Variants in MTRR observed in about 807,000 individuals in gnomAD.
MTRR encodes methionine synthase reductase.
A neutral mutation model predicts 79.2 loss-of-function variants in MTRR; 63 were observed. The ratio of observed to expected loss-of-function variants is 0.80; its 90% confidence interval spans 0.65 to 0.98. The LOEUF (loss-of-function observed/expected upper bound fraction) is 0.98, where lower values mean the gene tolerates loss of function less well. Ranked by LOEUF, MTRR falls within the 50% of genes least tolerant of loss-of-function variation. The pLI is 0.00. For missense variants in MTRR, 895 were observed against 839.6 expected, an observed-to-expected ratio of 1.07 and a Z score of -0.82; for synonymous variants, 355 against 313.3, an observed-to-expected ratio of 1.13 and a Z score of -1.41.
chr5:7,884,605 A>G (rs947946725), intron 6 of MTRR, among the ~76,000 whole-genome samples: 3 of 152,186 alleles, frequency 2.0e-5, no homozygotes, highest in African/African-American at 7.2e-5. Context: ...AACTGTATAT[A>G]GAAACATTTA....
At chr5:7,877,034 A>G (rs768810751) in intron 4 of MTRR, among the ~76,000 whole-genome samples, 8 of 152,240 alleles carry the variant, frequency 5.3e-5, no homozygotes, top group Non-Finnish European at 8.8e-5. Flanking sequence ...AGTGTACCAC[A>G]TGAGCACCTC....
chr5:7,869,516 T>G, intron 1 of MTRR: 2 of 382,950 alleles, frequency 5.2e-6, no homozygotes, highest in Non-Finnish European at 4.9e-6. Flanking sequence ...TTTCCAGGCC[T>G]AGGGAAACCG....
At chr5:7,892,177 CA>C (rs1445197378) in intron 10 of MTRR, among the ~76,000 whole-genome samples, 3 of 152,202 alleles carry the variant, frequency 2.0e-5, no homozygotes, top group Non-Finnish European at 2.9e-5. Flanking sequence ...CAAGAAGGTG[CA>C]CCATTCTTTT....
intron 5 of MTRR, among the ~76,000 whole-genome samples, chr5:7,879,243 T>G (rs1735124956): frequency 6.6e-6 from 1 of 152,174 alleles, no homozygotes; most frequent in African/African-American, 2.4e-5. Context: ...CAGACACAAC[T>G]TATGCCTGGA....
Position 7,895,860 on chromosome 5 carries a change from C to G in MTRR, c.1676+8C>G. The G allele has an allele frequency of 6.2e-7, 1 of 1,613,798 alleles. No individual in the cohort carries two copies. Among genetic ancestry groups the G allele is most frequent in the African/African-American group, 1.3e-5 (1 of 74,994 alleles). On this transcript the variant is annotated splice_region_variant and intron_variant, in intron 12 of 14. Coordinates refer to ENST00000440940, the MANE Select transcript of MTRR (RefSeq NM_002454.3). ...TGGGTTCCTACAACATAGGTATGTTCTTTTTTTGGCTAATGGGAAAATGTA... is the reference window on the plus strand; with the variant it reads ...TGGGTTCCTACAACATAGGTATGTTGTTTTTTTGGCTAATGGGAAAATGTA...
chr5:7,861,008 C>T (rs763359854), intron 1 of MTRR: 1 of 557,874 alleles, frequency 1.8e-6, no homozygotes, highest in Non-Finnish European at 3.2e-6. Context: ...GAGTTTTGTG[C>T]TGTCCAGTTC....
chr5:7,861,438 G>A (rs1746523791), intron 1 of MTRR: 1 of 629,920 alleles, frequency 1.6e-6, no homozygotes. Flanking sequence ...AATATTACAA[G>A]GAATTTCCCA....
intron 9 of MTRR, among the ~76,000 whole-genome samples, chr5:7,891,057 G>T (rs1475457045): frequency 1.3e-5 from 2 of 151,928 alleles, no homozygotes; most frequent in African/African-American, 4.8e-5. Context: ...AGGGTTTGCT[G>T]AGCTCCTCAC....
chr5:7,859,961 G>A (rs751722139), intron 1 of MTRR, among the ~76,000 whole-genome samples: 10 of 152,138 alleles, frequency 6.6e-5, no homozygotes, highest in Non-Finnish European at 7.4e-5. Context: ...GCTGGAGGAC[G>A]CAGCAGGGAC....
chr5:7,889,945 T>C (rs554299398), intron 9 of MTRR, among the ~76,000 whole-genome samples: 1 of 152,184 alleles, frequency 6.6e-6, no homozygotes, highest in South Asian at 2.1e-4. Flanking sequence ...GACCTCAGCA[T>C]TGTCCCTGAG....
chr5:7,854,433 G>A (rs996136615), intron 1 of MTRR, among the ~76,000 whole-genome samples: 16 of 152,028 alleles, frequency 1.1e-4, no homozygotes, highest in African/African-American at 3.4e-4. Context: ...GTATTAGTTC[G>A]TTTTCACTCT....
intron 8 of MTRR, among the ~76,000 whole-genome samples, chr5:7,888,159 CACTT>C (rs1736944642): frequency 6.6e-6 from 1 of 151,988 alleles, no homozygotes; most frequent in African/African-American, 2.4e-5. Context: ...AATTTTTGAA[CACTT>C]ACTTGAAGTA....
In MTRR at chr5:7,854,971, C is replaced by G. The variant is rs912043384; in HGVS notation, n.391+3386C>G. Among the ~76,000 whole-genome samples, 5 of 152,316 alleles carry G rather than the reference C, an allele frequency of 3.3e-5. No homozygotes were observed. The East Asian group carries it at 9.6e-4, about 29-fold the overall frequency. ...GCATTCAAGCCAAATTGAAGCAAGT[C>G]TCTGGATCTGCCCTTTGGTTTAATA... is the stretch of plus-strand genomic sequence containing the variant. On this transcript the variant is annotated intron_variant and non_coding_transcript_variant, in intron 1 of 3. Coordinates refer to the MTRR transcript ENST00000502509.
chr5:7,867,263 T>C, upstream of MTRR: 1 of 1,613,954 alleles, frequency 6.2e-7, no homozygotes, highest in East Asian at 2.2e-5. Context: ...TAAAAATGTT[T>C]GGTGTTCATC....
intron 3 of MTRR, among the ~76,000 whole-genome samples, chr5:7,874,880 A>G (rs987113016): frequency 6.6e-6 from 1 of 152,222 alleles, no homozygotes; most frequent in East Asian, 1.9e-4. Context: ...CCCAGAAGCT[A>G]TGGTTGGCTG....
chr5:7,851,582 C>T (rs552061786), exon 1 of MTRR: 2 of 152,336 alleles, frequency 1.3e-5, no homozygotes, highest in African/African-American at 4.8e-5. Flanking sequence ...TCTTATTTGA[C>T]TCAGTAAGTC....
At chr5:7,889,372 C>A in intron 9 of MTRR, 97 bp downstream of exon 9, 1 of 1,279,108 alleles carries the variant, frequency 7.8e-7, no homozygotes, top group Non-Finnish European at 1.1e-6. Flanking sequence ...TCTTGTCTTA[C>A]CCTTTGTATC....
chr5:7,859,791 C>G (rs941159247), intron 1 of MTRR, among the ~76,000 whole-genome samples: 5 of 152,186 alleles, frequency 3.3e-5, no homozygotes, highest in African/African-American at 1.2e-4. Context: ...AACATGATCT[C>G]TTGTTCTCCA....
intron 1 of MTRR, chr5:7,859,388 C>G: frequency 8.3e-7 from 1 of 1,209,216 alleles, no homozygotes; most frequent in South Asian, 1.4e-5. Flanking sequence ...ATACTGAGTT[C>G]CATAAAAATG....
Sources: gnomAD v4.1 joint callset for allele counts (sites outside exome capture counted in the v4.1 genomes callset) on GRCh38, gnomAD v4.1.1 for gene constraint, MANE v1.5 for transcripts, NCBI Gene and HGNC (gene_info 2026-07-23, HGNC 2026-07-21) for gene names.